The following ITPKB variants were observed in gnomAD, a reference collection of about 807,000 sequenced individuals.
ITPKB encodes inositol-trisphosphate 3-kinase B.
In ITPKB, 13 loss-of-function variants were observed where a neutral mutation model predicts 69.4. That is an observed-to-expected ratio of 0.19 (90% CI 0.12 to 0.30). ITPKB has a LOEUF of 0.30. ITPKB is among the 10% of genes least tolerant of loss of function. ITPKB has a pLI of 1.00. For missense variants in ITPKB, 1,240 were observed against 1,250.5 expected (o/e 0.99, Z 0.13); for synonymous variants, 584 against 513.7 (o/e 1.14, Z -1.85).
chr1:226,732,534 A>G (rs1362670188), intron 2 of ITPKB, among the ~76,000 whole-genome samples: 1 of 149,128 alleles, frequency 6.7e-6, no homozygotes, highest in Non-Finnish European at 1.5e-5. Flanking sequence ...CACCGTGCCC[A>G]GCGTTCTTTT....
intron 2 of ITPKB, among the ~76,000 whole-genome samples, chr1:226,679,762 A>G (rs1175540445): frequency 6.6e-6 from 1 of 152,216 alleles, no homozygotes; most frequent in Non-Finnish European, 1.5e-5. Context: ...TATTTATCCA[A>G]TGATCTGTAA....
At chr1:226,683,271 T>C (rs1022861213) in intron 2 of ITPKB, among the ~76,000 whole-genome samples, 2 of 152,206 alleles carry the variant, frequency 1.3e-5, no homozygotes, top group African/African-American at 4.8e-5. Flanking sequence ...ACTGCCTACA[T>C]GATTCTTTCT....
At chr1:226,704,396 C>G (rs532239714) in intron 2 of ITPKB, among the ~76,000 whole-genome samples, 116 of 152,244 alleles carry the variant, frequency 7.6e-4, no homozygotes, top group African/African-American at 2.7e-3. Context: ...GGTTATCATA[C>G]CTGGTCAACA....
chr1:226,660,644 C>A (rs1382471315), intron 2 of ITPKB, among the ~76,000 whole-genome samples: 1 of 151,610 alleles, frequency 6.6e-6, no homozygotes, highest in Non-Finnish European at 1.5e-5. Flanking sequence ...AGAGGCCTCG[C>A]AGAGCTCACA....
chr1:226,703,516 TCCTCCCGCGCGCGCTCTGCCCG>T (rs1326170407), intron 2 of ITPKB, among the ~76,000 whole-genome samples: 23 of 152,120 alleles, frequency 1.5e-4, no homozygotes, highest in Non-Finnish European at 2.9e-4. Context: ...ACCTCCTCTC[TCCTCCCGCGCGCGCTCTGCCCG>T]CCGCCCACGC....
Position 226,736,222 on chromosome 1 carries a change from T to A in ITPKB, c.1237A>T (p.Arg413Trp). The change falls in exon 2 of 8, where the codon AGG becomes TGG. Residue 413 changes from arginine (R) to tryptophan (W), a missense_variant. Arg to Trp is a moderately radical substitution (Grantham distance 101). Coordinates refer to ENST00000429204, the MANE Select transcript of ITPKB (RefSeq NM_002221.4). Reference sequence around the variant, plus strand: ...ACGGAGGCCAGGGCCCTGGGCAGCCTGGACCAGCTCAGGGAATCAGAGGAC... The same window carrying A: ...ACGGAGGCCAGGGCCCTGGGCAGCCAGGACCAGCTCAGGGAATCAGAGGAC... ...AESSDSLSWS[R>W]LPRALASVGP... 6.5e-7 allele frequency: 1 copy of A among 1,538,632 alleles called. No individual in the cohort carries two copies. Among genetic ancestry groups the A allele is most frequent in the Middle Eastern group, 1.8e-4 (1 of 5,676 alleles).
chr1:226,665,103 C>T (rs1039156319), intron 2 of ITPKB, among the ~76,000 whole-genome samples: 5 of 152,208 alleles, frequency 3.3e-5, no homozygotes, highest in Admixed American at 1.3e-4. Flanking sequence ...AGATTCCACA[C>T]AAAAATCCGA....
rs1668787208 is a variant in ITPKB at position 226,634,460 on chromosome 1, A to C, written c.*211T>G. On this transcript the variant is annotated 3_prime_UTR_variant, in exon 8 of 8. Coordinates refer to ENST00000429204, the MANE Select transcript of ITPKB (RefSeq NM_002221.4). The surrounding 1 kb of genome is among the most constrained non-coding windows in gnomAD (Gnocchi z 6.3). ...CTGGGCATTTCTCTTCTAGTAGGTG[A>C]CCCTCTCTACAAAAAGCAGTGCAAA... is the stretch of plus-strand genomic sequence containing the variant. 2 of 573,284 alleles carry C rather than the reference A, an allele frequency of 3.5e-6. No individual in the cohort carries two copies. The highest frequency in any genetic ancestry group is 5.8e-5 in the East Asian group (2 of 34,490). The allele number at this position is 573,284 out of a possible 1,614,324, so 35.5% of individuals were successfully genotyped here.
chr1:226,701,590 T>A, intron 2 of ITPKB, among the ~76,000 whole-genome samples: 1 of 105,776 alleles, frequency 9.5e-6, no homozygotes, highest in Non-Finnish European at 1.7e-5. Context: ...GGCGAAAGAG[T>A]GAGACTCCGT....
In ITPKB at chr1:226,736,477, C is replaced by T. The variant is rs1420445557; in HGVS notation, c.982G>A (p.Gly328Arg). ...AGGTCCTCAAGCTCACGGGCTCTCC[C>T]AGACGGCTCAGTGAGGGCAAGATCC... ...PQDLALTEPS[G>R]RARELEDLQP... The change falls in exon 2 of 8, where the codon GGG becomes AGG. Residue 328 changes from glycine to arginine, a missense_variant. Physicochemically the swap from Gly to Arg is moderately radical, Grantham distance 125. Coordinates refer to ENST00000429204, the MANE Select transcript of ITPKB (RefSeq NM_002221.4). 1 of 1,613,814 alleles carries T rather than the reference C, an allele frequency of 6.2e-7. No homozygotes were observed. Among genetic ancestry groups the T allele is most frequent in the East Asian group, 2.2e-5 (1 of 44,900 alleles).
chr1:226,674,336 T>A (rs897224936), intron 2 of ITPKB, among the ~76,000 whole-genome samples: 1 of 152,042 alleles, frequency 6.6e-6, no homozygotes, highest in African/African-American at 2.4e-5. Flanking sequence ...GTAGCTGGGA[T>A]TACAGGCACC....
chr1:226,668,919 C>G (rs567875841), intron 2 of ITPKB: 3 of 152,140 alleles, frequency 2.0e-5, no homozygotes, highest in Non-Finnish European at 2.9e-5. Flanking sequence ...AACCTTTCCC[C>G]TTTTTCAAAA....
chr1:226,657,654 G>T (rs1026002280), intron 2 of ITPKB, among the ~76,000 whole-genome samples: 4 of 152,182 alleles, frequency 2.6e-5, no homozygotes, highest in African/African-American at 9.7e-5. Context: ...ATACTAATAA[G>T]CTAATAGCTC....
chr1:226,696,024 T>G (rs575894763), intron 2 of ITPKB, among the ~76,000 whole-genome samples: 37 of 152,274 alleles, frequency 2.4e-4, no homozygotes, highest in African/African-American at 7.5e-4. Flanking sequence ...CTATGCTGCT[T>G]CTTCTTCCAT....
At position 226,641,961 on chromosome 1, in the gene ITPKB, CTGA is replaced by C; in HGVS notation, c.2408_2410del (p.Ile803del). ...CCTGAACCCCAGGGTGGCCGTGGAG[CTGA>C]TGGTCTCCCGCCACTGCATGTACCG... On this transcript the variant is annotated inframe_deletion, in exon 5 of 8. Coordinates refer to ENST00000429204, the MANE Select transcript of ITPKB (RefSeq NM_002221.4). This position sits in a 1 kb window ranked among gnomAD's most constrained non-coding sequence, Gnocchi z 4.6. The C allele has an allele frequency of 6.2e-7, 1 of 1,614,134 alleles. No homozygotes were observed. The highest frequency in any genetic ancestry group is 8.5e-7 in the Non-Finnish European group (1 of 1,180,010).
At chr1:226,702,852 T>C (rs572099936) in intron 2 of ITPKB, among the ~76,000 whole-genome samples, 17 of 152,214 alleles carry the variant, frequency 1.1e-4, no homozygotes, top group Non-Finnish European at 2.2e-4. Context: ...TAACTAACTG[T>C]TCCTTGCCTA....
At position 226,735,843 on chromosome 1, in the gene ITPKB, C is replaced by T. The variant is rs745665378; in HGVS notation, c.1616G>A (p.Ser539Asn). 7 of 1,608,464 alleles carry T rather than the reference C, an allele frequency of 4.4e-6. No individual in the cohort carries two copies. Among genetic ancestry groups the T allele is most frequent in the Middle Eastern group, 1.7e-4 (1 of 6,046 alleles). The change falls in exon 2 of 8, where the codon AGT becomes AAT. Residue 539 changes from serine to asparagine, a missense_variant. Transcript: ENST00000429204. ...CAGCTCCGGACTTGGGAGGGCATCA[C>T]TGTCCTGCCGCTGGCTTTCCCAAGT... ...EGTWESQRQDSDALPSPELLP... is the reference protein window; with the variant it reads ...EGTWESQRQDNDALPSPELLP...
chr1:226,632,880 A>G lies in ITPKB; in HGVS notation c.*1791T>C, dbSNP rs1403052154. 2 of 152,398 alleles carry G rather than the reference A, an allele frequency of 1.3e-5. No individual in the cohort carries two copies. The highest frequency in any genetic ancestry group is 4.8e-5 in the African/African-American group (2 of 41,462). The allele number at this position is 152,398 out of a possible 1,614,324, so 9.4% of individuals were successfully genotyped here. On this transcript the variant is annotated 3_prime_UTR_variant, in exon 8 of 8. Coordinates refer to ENST00000429204, the MANE Select transcript of ITPKB (RefSeq NM_002221.4). The stretch of plus-strand genomic sequence containing the variant: ...ATGCCCCTGCCCTGCAAATGGCTGA[A>G]GCACAGACCACCAGGGTCCCTTCTA...
chr1:226,638,175 GC>G (rs1668878868), intron 6 of ITPKB, among the ~76,000 whole-genome samples: 1 of 152,208 alleles, frequency 6.6e-6, no homozygotes, highest in African/African-American at 2.4e-5. Flanking sequence ...CAGCCGAGCA[GC>G]CCCCTGGAGT....
Sources: allele counts gnomAD v4.1 joint callset (sites outside exome capture counted in the v4.1 genomes callset), GRCh38; gene constraint gnomAD v4.1.1; non-coding constraint Gnocchi (gnomAD v3.1); transcripts MANE v1.5; gene names NCBI Gene and HGNC (gene_info 2026-07-23, HGNC 2026-07-21).